The following POLA2 variants were observed in gnomAD, a reference collection of about 807,000 sequenced individuals.
POLA2 encodes the protein DNA polymerase alpha 2, accessory subunit, also known as DNA polymerase alpha subunit B.
POLA2 carries 47 observed loss-of-function variants against 82.8 expected under a neutral mutation model. The observed-to-expected ratio is 0.57, with a 90% CI of 0.45 to 0.72. The LOEUF (loss-of-function observed/expected upper bound fraction) is 0.72. POLA2 is among the 30% of genes least tolerant of loss of function. The pLI, the probability that POLA2 is intolerant of heterozygous loss-of-function variation, is 0.00. For synonymous variants in POLA2, 287 were observed against 286.8 expected (o/e 1.00, Z -0.01); for missense variants, 634 against 728.1 (o/e 0.87, Z 1.49).
At chr11:65,267,424 C>T in intron 2 of POLA2, 53 bp from the exon 3 acceptor site, 1 of 1,055,060 alleles carries the variant, frequency 9.5e-7, no homozygotes, top group African/African-American at 1.6e-5. Flanking sequence ...TTGAAAACAC[C>T]TCTGCTATTA....
chr11:65,266,489 A>G, intron 1 of POLA2, 93 bp from the exon 2 acceptor site: 1 of 1,326,424 alleles, frequency 7.5e-7, no homozygotes. Context: ...CTGAATAAAC[A>G]TTGATGGAGT....
Position 65,281,704 on chromosome 11 carries a change from G to A in POLA2, c.935G>A (p.Arg312Lys). The change falls in exon 9 of 18, where the codon AGG (arginine) becomes AAG (lysine). Residue 312 changes from arginine to lysine, a missense_variant. Physicochemically the swap from Arg to Lys is conservative, Grantham distance 26. Coordinates refer to ENST00000265465, the MANE Select transcript of POLA2 (RefSeq NM_002689.4). Reference protein sequence around the residue: ...VIMEGINTTGRKLVATKLYEG... With the variant: ...VIMEGINTTGKKLVATKLYEG... ...ATGGAAGGAATCAACACCACTGGTAGGAAACTTGTTGCCACCAAACTCTAC... is the reference window on the plus strand; with the variant it reads ...ATGGAAGGAATCAACACCACTGGTAAGAAACTTGTTGCCACCAAACTCTAC... 6.2e-7 allele frequency: 1 copy of A among 1,614,050 alleles called. No individual in the cohort carries two copies. Among genetic ancestry groups the A allele is most frequent in the Non-Finnish European group, 8.5e-7 (1 of 1,179,896 alleles).
chr11:65,288,257 G>A (rs1254996477), intron 11 of POLA2, among the ~76,000 whole-genome samples: 1 of 152,104 alleles, frequency 6.6e-6, no homozygotes, highest in Non-Finnish European at 1.5e-5. Context: ...GCAGTGAGCT[G>A]AGATTGCACC....
intron 1 of POLA2, among the ~76,000 whole-genome samples, chr11:65,265,248 C>G (rs1487468218): frequency 4.8e-5 from 7 of 144,868 alleles, no homozygotes; most frequent in Non-Finnish European, 7.6e-5. Context: ...AGGGGGGGGG[C>G]CTTGCCATCT....
chr11:65,277,082 C>T (rs557769107), intron 5 of POLA2, among the ~76,000 whole-genome samples: 2 of 152,080 alleles, frequency 1.3e-5, no homozygotes, highest in African/African-American at 4.8e-5. Flanking sequence ...TGCCACTGCT[C>T]TCGGCCTTTT....
chr11:65,266,181 A>G (rs1370843319), intron 1 of POLA2, among the ~76,000 whole-genome samples: 1 of 152,210 alleles, frequency 6.6e-6, no homozygotes, highest in East Asian at 1.9e-4. Flanking sequence ...GGCTAAAAAT[A>G]TCAGCATCAT....
At chr11:65,280,775 C>T (rs1281904735) in intron 7 of POLA2, 1 of 541,238 alleles carries the variant, frequency 1.8e-6, no homozygotes, top group Non-Finnish European at 3.3e-6. Context: ...TAGGAAGGCT[C>T]AAGTGCTGGG....
chr11:65,304,496 A>C (rs936685466), intron 8 of POLA2, among the ~76,000 whole-genome samples: 7 of 148,300 alleles, frequency 4.7e-5, no homozygotes, highest in African/African-American at 1.7e-4. Flanking sequence ...ACCACATGGC[A>C]CACACTCTGG....
intron 13 of POLA2, among the ~76,000 whole-genome samples, chr11:65,292,131 C>T (rs1406459232): frequency 6.6e-6 from 1 of 152,060 alleles, no homozygotes; most frequent in African/African-American, 2.4e-5. Context: ...CTCAGCTACT[C>T]GGGAGGCTGA....
chr11:65,287,293 C>T (rs1011531348), intron 10 of POLA2, among the ~76,000 whole-genome samples: 1 of 152,140 alleles, frequency 6.6e-6, no homozygotes, highest in Non-Finnish European at 1.5e-5. Context: ...TCTTCAGTAC[C>T]CCACATTCTC....
intron 8 of POLA2, among the ~76,000 whole-genome samples, chr11:65,281,418 C>T (rs1487287155): frequency 6.6e-6 from 1 of 152,208 alleles, no homozygotes; most frequent in Non-Finnish European, 1.5e-5. Context: ...ATCTAAACTA[C>T]AGTTTCTTCA....
In POLA2 at chr11:65,279,543, AC is replaced by A; in HGVS notation, c.663del (p.Cys222ValfsTer3). 6.2e-7 allele frequency: 1 copy of A among 1,608,002 alleles called. No homozygotes were observed. The highest frequency in any genetic ancestry group is 8.5e-7 in the Non-Finnish European group (1 of 1,175,878). Reference protein sequence around the residue: ...QKLPDIREVLTCKIEELGSEL... With the variant: ...QKLPDIREVLXCKIEELGSEL... ...TTCCACTTCTGGGATTGTAGTTCTG[AC>A]CTGTAAGATAGAAGAACTTGGCAGC... On this transcript the variant is annotated frameshift_variant, in exon 7 of 18. Transcript: ENST00000265465. LOFTEE classifies it high-confidence loss of function.
At chr11:65,296,772 C>A (rs1421243707) in intron 17 of POLA2, among the ~76,000 whole-genome samples, 1 of 151,988 alleles carries the variant, frequency 6.6e-6, no homozygotes, top group African/African-American at 2.4e-5. Context: ...CATGGTAAAA[C>A]CCCATCTCTA....
At chr11:65,299,753 G>A (rs373544896), downstream of POLA2, among the ~76,000 whole-genome samples, 9 of 152,090 alleles carry the variant, frequency 5.9e-5, no homozygotes, top group African/African-American at 1.7e-4. Flanking sequence ...GTGCAGTGGC[G>A]CGATCTCGGC....
intron 7 of POLA2, 22 bp from the exon 8 acceptor site, chr11:65,280,970 T>C (rs1449977969): frequency 5.6e-6 from 9 of 1,611,786 alleles, no homozygotes; most frequent in Non-Finnish European, 7.6e-6. Flanking sequence ...GTCATTCTTA[T>C]GCTGTGACCT....
At chr11:65,265,323 G>C (rs923332731) in intron 1 of POLA2, among the ~76,000 whole-genome samples, 7 of 151,932 alleles carry the variant, frequency 4.6e-5, no homozygotes, top group Non-Finnish European at 7.4e-5. Context: ...CACCAAAGCT[G>C]CTCTACTCAA....
At chr11:65,295,513 G>C (rs771874007) in intron 15 of POLA2, 27 bp from the exon 16 acceptor site, 5 of 1,603,914 alleles carry the variant, frequency 3.1e-6, no homozygotes, top group African/African-American at 2.7e-5. Flanking sequence ...ACAGAGTTCT[G>C]TTTTCATGCT....
intron 1 of POLA2, among the ~76,000 whole-genome samples, chr11:65,264,844 A>G (rs1010115536): frequency 2.0e-5 from 3 of 151,994 alleles, no homozygotes; most frequent in Non-Finnish European, 1.5e-5. Flanking sequence ...TTTTTTTCCT[A>G]CTAGTATAGA....
chr11:65,283,611 AGGCGTACACCACACCC>A (rs1239728026), intron 10 of POLA2, among the ~76,000 whole-genome samples: 2 of 151,936 alleles, frequency 1.3e-5, no homozygotes, highest in Admixed American at 6.6e-5. Context: ...CTGGGATTAC[AGGCGTACACCACACCC>A]GGCTAATTTT....
Sources: allele counts gnomAD v4.1 joint callset (sites outside exome capture counted in the v4.1 genomes callset), GRCh38; gene constraint gnomAD v4.1.1; transcripts MANE v1.5; gene names NCBI Gene and HGNC (gene_info 2026-07-23, HGNC 2026-07-21).